The following BAZ2B variants were observed in gnomAD, a reference collection of about 807,000 sequenced individuals.
BAZ2B encodes bromodomain adjacent to zinc finger domain 2B.
In BAZ2B, 91 loss-of-function variants were observed where a neutral mutation model predicts 246.0. The ratio of observed to expected loss-of-function variants is 0.37; its 90% CI spans 0.31 to 0.44. The LOEUF is 0.44. Ranked by LOEUF, BAZ2B falls within the 20% of genes least tolerant of loss-of-function variation. The pLI is 1.00. For missense variants in BAZ2B, 2,332 were observed against 2,533.7 expected, an observed-to-expected ratio of 0.92 and a Z score of 1.71; for synonymous variants, 855 against 860.0, an observed-to-expected ratio of 0.99 and a Z score of 0.10.
chr2:159,451,514 A>G (rs1242990640), intron 4 of BAZ2B, among the ~76,000 whole-genome samples: 1 of 152,208 alleles, frequency 6.6e-6, no homozygotes, highest in Non-Finnish European at 1.5e-5. Context: ...TGAATCTTTG[A>G]AAACTAGGCA....
Position 159,448,248 on chromosome 2 carries a change from C to T in BAZ2B, c.496G>A (p.Glu166Lys), listed in dbSNP as rs753545631. 24 of 1,608,848 alleles carry T rather than the reference C, an allele frequency of 1.5e-5. No individual in the cohort carries two copies. Among genetic ancestry groups the T allele is most frequent in the East Asian group, 4.5e-5 (2 of 44,746 alleles). Residue 166 changes from glutamate to lysine, a missense_variant, in exon 5 of 37, where the codon GAA becomes AAA. This residue lies in a region of BAZ2B where 242 missense variants were observed against 237.4 expected (regional missense o/e 1.02). Coordinates refer to ENST00000392783, the MANE Select transcript of BAZ2B (RefSeq NM_013450.4). ...TSGKSNRNGP[E>K]KGVNGSINGS... ...CTTATGTAAATGTGGATACCTTTTT[C>T]GGGACCATTTCGATTACTTTTTCCC...
intron 2 of BAZ2B, among the ~76,000 whole-genome samples, chr2:159,530,393 G>A (rs1050662827): frequency 7.2e-5 from 11 of 152,046 alleles, no homozygotes; most frequent in Non-Finnish European, 1.2e-4. Context: ...CCCTTAAAAC[G>A]GAAAGAAATG....
chr2:159,605,486 G>A (rs150223667), intron 1 of BAZ2B, among the ~76,000 whole-genome samples: 2 of 152,290 alleles, frequency 1.3e-5, no homozygotes, highest in African/African-American at 4.8e-5. Context: ...TATATTAAAT[G>A]CTACTTGGAA....
intron 2 of BAZ2B, among the ~76,000 whole-genome samples, chr2:159,528,053 T>C (rs552108274): frequency 6.6e-6 from 1 of 152,314 alleles, no homozygotes; most frequent in Non-Finnish European, 1.5e-5. Context: ...TACTTTTAGA[T>C]GTAAGCAGGA....
At chr2:159,451,349 C>A (rs1382463136) in intron 4 of BAZ2B, among the ~76,000 whole-genome samples, 1 of 151,968 alleles carries the variant, frequency 6.6e-6, no homozygotes, top group Non-Finnish European at 1.5e-5. Flanking sequence ...AAAAATTATT[C>A]CTCATTAAAA....
rs776123877 is a variant in BAZ2B, at chr2:159,478,669, T to C, written c.51A>G (p.Pro17=). Reference sequence around the variant, plus strand: ...CCACAGAAGGTGTCGAAGATGAAGTTGGTGTAGTAGAGGAGGCTGCTGAGG... The same window carrying C: ...CCACAGAAGGTGTCGAAGATGAAGTCGGTGTAGTAGAGGAGGCTGCTGAGG... ...LPSSAASSTT[P]TSSSTPSVAS... Residue 17 remains proline, a synonymous_variant, in exon 3 of 37, where the codon CCA becomes CCG. Transcript: ENST00000392783. The C allele has an allele frequency of 6.2e-7, 1 of 1,610,672 alleles. No individual in the cohort carries two copies. Among genetic ancestry groups the C allele is most frequent in the South Asian group, 1.1e-5 (1 of 90,710 alleles).
At chr2:159,357,155 A>T (rs1319175437) in intron 27 of BAZ2B, among the ~76,000 whole-genome samples, 1 of 152,092 alleles carries the variant, frequency 6.6e-6, no homozygotes, top group Non-Finnish European at 1.5e-5. Flanking sequence ...GGGCTTCAGA[A>T]GGTGGGTAAT....
At chr2:159,378,216 GGGTAA>G in intron 25 of BAZ2B, among the ~76,000 whole-genome samples, 1 of 152,260 alleles carries the variant, frequency 6.6e-6, no homozygotes, top group African/African-American at 2.4e-5. Flanking sequence ...TCTTTTGTTT[GGGTAA>G]TTACACTTCT....
intron 27 of BAZ2B, among the ~76,000 whole-genome samples, chr2:159,370,955 G>A (rs1194267115): frequency 6.6e-6 from 1 of 151,850 alleles, no homozygotes; most frequent in African/African-American, 2.4e-5. Flanking sequence ...ACTGGCATGC[G>A]CCACCACACC....
intron 26 of BAZ2B, 63 bp from the exon 27 acceptor site, chr2:159,373,252 T>C: frequency 7.0e-7 from 1 of 1,438,200 alleles, no homozygotes; most frequent in Middle Eastern, 1.9e-4. Flanking sequence ...AATTAATATA[T>C]ATGTAACTTT....
the BAZ2B span, among the ~76,000 whole-genome samples, chr2:159,633,152 C>CTT: frequency 1.4e-5 from 2 of 144,894 alleles, no homozygotes; most frequent in Non-Finnish European, 1.5e-5. Flanking sequence ...CCCAGAAAGT[C>CTT]TTTTTTTTTT....
intron 2 of BAZ2B, among the ~76,000 whole-genome samples, chr2:159,542,187 A>C (rs1008890613): frequency 6.6e-5 from 10 of 152,200 alleles, no homozygotes; most frequent in African/African-American, 2.4e-4. Context: ...TGGAACCTGT[A>C]AGACAACATT....
At chr2:159,404,933 T>A (rs747780918) in intron 15 of BAZ2B, 23 bp from the exon 16 acceptor site, 3 of 1,612,876 alleles carry the variant, frequency 1.9e-6, no homozygotes, top group East Asian at 4.5e-5. Flanking sequence ...AAAGGATAGA[T>A]ATCATCAAAA....
chr2:159,694,153 G>A, the BAZ2B span: 4 of 152,046 alleles, frequency 2.6e-5, no homozygotes, highest in African/African-American at 7.2e-5. Context: ...ATAAGAGGAG[G>A]TTAGGACACA....
At chr2:159,527,915 A>G (rs1052383413) in intron 2 of BAZ2B, among the ~76,000 whole-genome samples, 4 of 152,306 alleles carry the variant, frequency 2.6e-5, no homozygotes, top group African/African-American at 9.6e-5. Flanking sequence ...GCCTTCTCAC[A>G]GGGGAAGGCT....
chr2:159,399,221 T>A (rs1435178894), intron 17 of BAZ2B, among the ~76,000 whole-genome samples: 1 of 151,120 alleles, frequency 6.6e-6, no homozygotes, highest in Non-Finnish European at 1.5e-5. Flanking sequence ...AGTGATTTTA[T>A]GTCACATTGT....
At chr2:159,468,489 T>G (rs370321077) in intron 3 of BAZ2B, among the ~76,000 whole-genome samples, 2 of 152,252 alleles carry the variant, frequency 1.3e-5, no homozygotes, top group South Asian at 2.1e-4. Context: ...ACAAATATTA[T>G]CAGTACATTT....
the BAZ2B span, among the ~76,000 whole-genome samples, chr2:159,671,735 T>C: frequency 6.6e-6 from 1 of 152,210 alleles, no homozygotes; most frequent in Admixed American, 6.5e-5. Flanking sequence ...GACCAAACAC[T>C]AGAGATGCTT....
At chr2:159,419,480 C>A (rs2068349111) in intron 13 of BAZ2B, among the ~76,000 whole-genome samples, 4 of 152,104 alleles carry the variant, frequency 2.6e-5, no homozygotes, top group African/African-American at 9.7e-5. Context: ...GATAGATTAT[C>A]AACTTTATGA....
Sources: gnomAD v4.1 joint callset for allele counts (sites outside exome capture counted in the v4.1 genomes callset) on GRCh38, gnomAD v4.1.1 for gene constraint, gnomAD v4.1.1 regional missense constraint, MANE v1.5 for transcripts, NCBI Gene and HGNC (gene_info 2026-07-23, HGNC 2026-07-21) for gene names.